The following DNAH14 variants were observed in gnomAD, a reference collection of about 807,000 sequenced individuals.
DNAH14 encodes axonemal beta dynein heavy chain 14.
A neutral mutation model predicts 520.9 loss-of-function variants in DNAH14; 478 were observed. That is an observed-to-expected ratio of 0.92 (90% CI 0.85 to 0.99). The LOEUF (loss-of-function observed/expected upper bound fraction) is 0.99. Ranked by LOEUF, DNAH14 falls within the 50% of genes least tolerant of loss-of-function variation. DNAH14 has a pLI of 0.00. For synonymous variants in DNAH14, 1,581 were observed against 1,757.2 expected, an observed-to-expected ratio of 0.90 and a Z score of 2.51; for missense variants, 4,831 against 5,234.5, an observed-to-expected ratio of 0.92 and a Z score of 2.38.
chr1:225,385,103 T>C (rs1032204254), intron 81 of DNAH14, among the ~76,000 whole-genome samples: 5 of 152,174 alleles, frequency 3.3e-5, no homozygotes, highest in Admixed American at 2.0e-4. Flanking sequence ...TAATCCATCA[T>C]GTAAACAGAA....
chr1:225,053,868 A>G (rs1403660344), intron 17 of DNAH14, among the ~76,000 whole-genome samples: 8 of 152,220 alleles, frequency 5.3e-5, no homozygotes, highest in Admixed American at 5.2e-4. Flanking sequence ...ATATATATTT[A>G]AATGATCAGA....
At chr1:225,198,499 G>C (rs1458061995) in intron 38 of DNAH14, among the ~76,000 whole-genome samples, 2 of 152,156 alleles carry the variant, frequency 1.3e-5, no homozygotes, top group Non-Finnish European at 2.9e-5. Flanking sequence ...TTACAGGCAT[G>C]AGCCACTGTG....
At chr1:225,034,779 A>G (rs1165113160) in intron 11 of DNAH14, among the ~76,000 whole-genome samples, 2 of 152,048 alleles carry the variant, frequency 1.3e-5, no homozygotes, top group African/African-American at 4.8e-5. Flanking sequence ...CAGGGAATCA[A>G]TTTCTTCCTG....
At chr1:225,072,571 G>C (rs984743323) in intron 17 of DNAH14, among the ~76,000 whole-genome samples, 1 of 152,206 alleles carries the variant, frequency 6.6e-6, no homozygotes, top group Non-Finnish European at 1.5e-5. Flanking sequence ...GAGTCTTGCT[G>C]GAGAGGTATT....
chr1:225,037,661 C>T (rs968027783), intron 11 of DNAH14, among the ~76,000 whole-genome samples: 6 of 145,752 alleles, frequency 4.1e-5, no homozygotes, highest in East Asian at 4.0e-4. Context: ...TACACATCAC[C>T]GTTACAGTGT....
At chr1:225,088,564 A>C (rs1205209819) in intron 21 of DNAH14, among the ~76,000 whole-genome samples, 1 of 152,200 alleles carries the variant, frequency 6.6e-6, no homozygotes, top group Non-Finnish European at 1.5e-5. Context: ...AAATAATTGG[A>C]GTTCCCCAAG....
At chr1:225,357,192 A>G (rs2095439213) in intron 73 of DNAH14, among the ~76,000 whole-genome samples, 1 of 152,158 alleles carries the variant, frequency 6.6e-6, no homozygotes, top group Non-Finnish European at 1.5e-5. Flanking sequence ...ATGAAAGAGG[A>G]CAATGAAGGA....
At chr1:225,302,566 G>T (rs1394206015) in intron 56 of DNAH14, among the ~76,000 whole-genome samples, 1 of 152,166 alleles carries the variant, frequency 6.6e-6, no homozygotes, top group South Asian at 2.1e-4. Flanking sequence ...AGGAATCTGT[G>T]CCCTGTTGCC....
At chr1:225,015,570 A>G (rs1420803531) in intron 10 of DNAH14, among the ~76,000 whole-genome samples, 1 of 152,178 alleles carries the variant, frequency 6.6e-6, no homozygotes, top group Admixed American at 6.6e-5. Flanking sequence ...TCTAGAGGTG[A>G]CGAACTTATT....
At chr1:225,024,253 G>C in intron 11 of DNAH14, 4 of 985,622 alleles carry the variant, frequency 4.1e-6, no homozygotes, top group Non-Finnish European at 4.8e-6. Flanking sequence ...AGTTTTTAAA[G>C]ATATGTGAGA....
chr1:225,178,965 C>T (rs1051700833), intron 36 of DNAH14, among the ~76,000 whole-genome samples: 1 of 152,170 alleles, frequency 6.6e-6, no homozygotes, highest in Non-Finnish European at 1.5e-5. Context: ...CCTGCACAAA[C>T]TCTTTTTGCT....
At chr1:225,138,126 G>C (rs2079119802) in intron 27 of DNAH14, among the ~76,000 whole-genome samples, 1 of 152,178 alleles carries the variant, frequency 6.6e-6, no homozygotes, top group African/African-American at 2.4e-5. Context: ...TTCTCTGCTA[G>C]GGAGAGATCA....
chr1:225,269,892 G>A (rs1488946031), intron 49 of DNAH14, among the ~76,000 whole-genome samples: 1 of 152,156 alleles, frequency 6.6e-6, no homozygotes, highest in African/African-American at 2.4e-5. Context: ...AACTAGTTCA[G>A]CCATTGTGGA....
chr1:225,137,974 G>A (rs1046231465), intron 27 of DNAH14, among the ~76,000 whole-genome samples: 7 of 152,204 alleles, frequency 4.6e-5, no homozygotes, highest in Non-Finnish European at 8.8e-5. Flanking sequence ...TAGTGAGGAG[G>A]AGTGAGTCGG....
chr1:225,337,595 G>C, intron 67 of DNAH14, 99 bp downstream of exon 67: 2 of 916,544 alleles, frequency 2.2e-6, no homozygotes, highest in Non-Finnish European at 3.3e-6. Context: ...ATAACTGTCA[G>C]GGAAAAAATA....
intron 21 of DNAH14, among the ~76,000 whole-genome samples, chr1:225,090,556 A>C (rs2074283583): frequency 6.6e-6 from 1 of 152,164 alleles, no homozygotes; most frequent in Non-Finnish European, 1.5e-5. Flanking sequence ...GAGAGTACAG[A>C]AATAGACCCA....
At chr1:225,077,852 C>T (rs2072488843) in intron 17 of DNAH14, among the ~76,000 whole-genome samples, 1 of 152,068 alleles carries the variant, frequency 6.6e-6, no homozygotes, top group Admixed American at 6.6e-5. Flanking sequence ...TAATAGTTGA[C>T]CATCTGATAA....
At chr1:225,358,198 T>G (rs1410768379) in intron 73 of DNAH14, among the ~76,000 whole-genome samples, 2 of 152,198 alleles carry the variant, frequency 1.3e-5, no homozygotes, top group Non-Finnish European at 2.9e-5. Context: ...AATTTCTTTT[T>G]GCAGAATTAG....
At chr1:225,185,671 C>A (rs1212352305) in intron 37 of DNAH14, among the ~76,000 whole-genome samples, 2 of 151,512 alleles carry the variant, frequency 1.3e-5, no homozygotes, top group Non-Finnish European at 3.0e-5. Flanking sequence ...CTTTTAATTT[C>A]TTATTGTTTT....
Sources: allele counts gnomAD v4.1 joint callset (sites outside exome capture counted in the v4.1 genomes callset), GRCh38; gene constraint gnomAD v4.1.1; transcripts MANE v1.5; gene names NCBI Gene and HGNC (gene_info 2026-07-23, HGNC 2026-07-21).